TMEM135: variants seen among roughly 807,000 people sequenced by gnomAD.
TMEM135 encodes the protein transmembrane protein 135.
In TMEM135, 30 loss-of-function variants were observed where a neutral mutation model predicts 60.3. That is an observed-to-expected ratio of 0.50 (90% CI 0.37 to 0.68). TMEM135 has a LOEUF of 0.68. Among genes scored for constraint, TMEM135 ranks in the 30% least tolerant of loss-of-function variants. The pLI, the probability that TMEM135 is intolerant of heterozygous loss-of-function variation, is 0.00. For synonymous variants in TMEM135, 190 were observed against 186.7 expected (o/e 1.02, Z -0.14); for missense variants, 468 against 548.8 (o/e 0.85, Z 1.47).
chr11:87,184,766 G>A (rs1394884891), intron 5 of TMEM135, among the ~76,000 whole-genome samples: 2 of 151,992 alleles, frequency 1.3e-5, no homozygotes, highest in African/African-American at 4.8e-5. Context: ...GAATGTTGAT[G>A]TTGTTACATA....
At chr11:87,314,654 C>T in intron 12 of TMEM135, 107 bp downstream of exon 12, 3 of 898,192 alleles carry the variant, frequency 3.3e-6, no homozygotes, top group Non-Finnish European at 5.3e-6. Flanking sequence ...AAATTTTAAT[C>T]CTCTAAAAGT....
intron 5 of TMEM135, among the ~76,000 whole-genome samples, chr11:87,209,013 G>A (rs772999879): frequency 5.3e-5 from 8 of 152,032 alleles, no homozygotes; most frequent in African/African-American, 9.7e-5. Flanking sequence ...ACAAGCAAAC[G>A]CTAAAGGACT....
intron 5 of TMEM135, among the ~76,000 whole-genome samples, chr11:87,192,163 TG>T (rs1162208745): frequency 0.029 from 4,321 of 150,188 alleles, 191 homozygotes; most frequent in African/African-American, 0.097. Flanking sequence ...TTTTTTTTTT[TG>T]TATTTTAGTA....
intron 7 of TMEM135, among the ~76,000 whole-genome samples, chr11:87,301,304 A>G (rs1942444419): frequency 6.6e-6 from 1 of 152,062 alleles, no homozygotes; most frequent in Non-Finnish European, 1.5e-5. Flanking sequence ...CCTAGGCTGA[A>G]GTGCAGTGGC....
At chr11:87,254,348 C>T (rs982370157) in intron 6 of TMEM135, among the ~76,000 whole-genome samples, 1 of 152,020 alleles carries the variant, frequency 6.6e-6, no homozygotes, top group Non-Finnish European at 1.5e-5. Context: ...TAGGAGATTC[C>T]ATGGTAGAAT....
intron 5 of TMEM135, among the ~76,000 whole-genome samples, chr11:87,169,082 G>T (rs1308677483): frequency 6.6e-6 from 1 of 151,562 alleles, no homozygotes; most frequent in African/African-American, 2.4e-5. Context: ...TTTGATCTTT[G>T]TTGGTTTAAA....
chr11:87,282,755 A>ACTAAC (rs1942083993), intron 6 of TMEM135, among the ~76,000 whole-genome samples: 1 of 152,128 alleles, frequency 6.6e-6, no homozygotes, highest in South Asian at 2.1e-4. Context: ...ACAGACAGTT[A>ACTAAC]GGTGATTGGG....
intron 4 of TMEM135, among the ~76,000 whole-genome samples, chr11:87,116,843 C>T (rs1857899077): frequency 6.7e-6 from 1 of 149,944 alleles, no homozygotes; most frequent in Non-Finnish European, 1.5e-5. Flanking sequence ...TTTTTTTTGA[C>T]ATGAAATTTC....
At chr11:87,212,795 C>T (rs552634564) in intron 5 of TMEM135, among the ~76,000 whole-genome samples, 2 of 125,864 alleles carry the variant, frequency 1.6e-5, no homozygotes, top group African/African-American at 6.2e-5. Flanking sequence ...TGCACTGCAA[C>T]ATGGGTGACA....
chr11:87,068,802 C>G (rs1290960416), intron 2 of TMEM135, among the ~76,000 whole-genome samples: 1 of 102,210 alleles, frequency 9.8e-6, no homozygotes, highest in Non-Finnish European at 1.8e-5. Context: ...CAGAGTCAGA[C>G]TGTCTCAAAA....
At chr11:87,120,489 T>TTTTTTTG (rs1858025261) in intron 4 of TMEM135, among the ~76,000 whole-genome samples, 1 of 148,606 alleles carries the variant, frequency 6.7e-6, no homozygotes, top group Admixed American at 6.8e-5. Context: ...TTTTTTTTTT[T>TTTTTTTG]GAGACAGAGT....
chr11:87,275,816 C>T (rs776504649), intron 6 of TMEM135, among the ~76,000 whole-genome samples: 3 of 152,080 alleles, frequency 2.0e-5, no homozygotes, highest in Non-Finnish European at 4.4e-5. Context: ...CCCACCACCA[C>T]GCCCAGCTAA....
chr11:87,245,764 T>A (rs1255239152), intron 6 of TMEM135, among the ~76,000 whole-genome samples: 1 of 114,800 alleles, frequency 8.7e-6, no homozygotes, highest in African/African-American at 3.4e-5. Context: ...TGAGATGGGT[T>A]TCCTGAGTAC....
At chr11:87,230,769 G>A (rs974288586) in intron 5 of TMEM135, among the ~76,000 whole-genome samples, 3 of 152,010 alleles carry the variant, frequency 2.0e-5, no homozygotes, top group Admixed American at 6.6e-5. Context: ...TGTCCTGTCT[G>A]TTATGGTATC....
chr11:87,307,380 CAAA>C (rs5793247), intron 9 of TMEM135, among the ~76,000 whole-genome samples: 1 of 137,912 alleles, frequency 7.3e-6, no homozygotes, highest in African/African-American at 2.7e-5. Flanking sequence ...TTAAAGTGGC[CAAA>C]AAAAAAAAAA....
intron 1 of TMEM135, among the ~76,000 whole-genome samples, chr11:87,046,426 T>C (rs1949797159): frequency 6.6e-6 from 1 of 152,176 alleles, no homozygotes; most frequent in Non-Finnish European, 1.5e-5. Context: ...ACAAACCCAG[T>C]AACTCAGTTT....
chr11:87,116,331 T>C (rs1050737748), intron 4 of TMEM135, among the ~76,000 whole-genome samples: 1 of 152,184 alleles, frequency 6.6e-6, no homozygotes, highest in African/African-American at 2.4e-5. Context: ...TTCCAACATA[T>C]GGCTTCAATT....
chr11:87,209,304 C>A (rs946700266), intron 5 of TMEM135, among the ~76,000 whole-genome samples: 2 of 152,096 alleles, frequency 1.3e-5, no homozygotes, highest in African/African-American at 4.8e-5. Context: ...CTTCAAGAGA[C>A]CCATATCACA....
At chr11:87,139,950 G>C (rs542929644) in intron 4 of TMEM135, among the ~76,000 whole-genome samples, 1 of 151,854 alleles carries the variant, frequency 6.6e-6, no homozygotes, top group Non-Finnish European at 1.5e-5. Context: ...TCAATTTTTT[G>C]GGTTGTGTAG....
Sources: allele counts gnomAD v4.1 joint callset (sites outside exome capture counted in the v4.1 genomes callset), GRCh38; gene constraint gnomAD v4.1.1; transcripts MANE v1.5; gene names NCBI Gene and HGNC (gene_info 2026-07-23, HGNC 2026-07-21).